The following TNIP3 variants were observed in gnomAD, a reference collection of about 807,000 sequenced individuals.
TNIP3 encodes TNFAIP3-interacting protein 3.
In TNIP3, 34 loss-of-function variants were observed where a neutral mutation model predicts 54.1. That is an observed-to-expected ratio of 0.63 (90% CI 0.48 to 0.84). The LOEUF (loss-of-function observed/expected upper bound fraction) is 0.84. Ranked by LOEUF, TNIP3 falls within the 40% of genes least tolerant of loss-of-function variation. TNIP3 has a pLI of 0.00. For synonymous variants in TNIP3, 134 were observed against 136.8 expected, an observed-to-expected ratio of 0.98 and a Z score of 0.14; for missense variants, 366 against 387.6, an observed-to-expected ratio of 0.94 and a Z score of 0.47.
intron 2 of TNIP3, among the ~76,000 whole-genome samples, chr4:121,184,382 T>A (rs1724890614): frequency 6.6e-6 from 1 of 152,368 alleles, no homozygotes; most frequent in South Asian, 2.1e-4. Flanking sequence ...CAGCCATGTT[T>A]CCATTGATAT....
upstream of TNIP3, among the ~76,000 whole-genome samples, chr4:121,169,112 T>C (rs1306695358): frequency 3.9e-5 from 6 of 152,118 alleles, no homozygotes; most frequent in African/African-American, 1.2e-4. Context: ...ATTCCACTGC[T>C]CAGAACCTTT....
chr4:121,167,809 A>C (rs184683645), upstream of TNIP3, among the ~76,000 whole-genome samples: 332 of 152,272 alleles, frequency 2.2e-3, 1 homozygote, highest in South Asian at 3.3e-3. Context: ...CAATCAGAAT[A>C]TTTAGCACTC....
chr4:121,152,998 A>G (rs1157167295), intron 5 of TNIP3, among the ~76,000 whole-genome samples: 1 of 152,224 alleles, frequency 6.6e-6, no homozygotes, highest in African/African-American at 2.4e-5. Flanking sequence ...ATAGTAATAA[A>G]TTCCAAGGAA....
Position 121,164,055 on chromosome 4 carries a change from C to T in TNIP3, c.66+5G>A. ...TCAACTCATCTCCTAGAAATATGTT[C>T]TTACCTCTTTATGCTCCGTAGAACT... On this transcript the variant is annotated splice_donor_5th_base_variant and intron_variant, in intron 1 of 10. Transcript: ENST00000057513. The T allele has an allele frequency of 6.2e-7, 1 of 1,613,484 alleles. No individual in the cohort carries two copies. The highest frequency in any genetic ancestry group is 8.5e-7 in the Non-Finnish European group (1 of 1,179,616).
intron 2 of TNIP3, among the ~76,000 whole-genome samples, chr4:121,206,707 G>A (rs756473416): frequency 2.6e-5 from 4 of 152,024 alleles, no homozygotes; most frequent in Non-Finnish European, 2.9e-5. Context: ...GACTACAGGT[G>A]CATGTCACCA....
rs1728467717 is a variant in TNIP3 at position 121,131,483 on chromosome 4, CAA to C, written c.*1146_*1147del. On this transcript the variant is annotated 3_prime_UTR_variant, in exon 11 of 11. Coordinates refer to ENST00000057513, the MANE Select transcript of TNIP3 (RefSeq NM_024873.6). ...GTTTTTCATTAAAATTAATCAAATC[CAA>C]GGGAAGGAAAAACACAGATTTAACT... The C allele has an allele frequency of 1.3e-5, 2 of 151,436 alleles. No homozygotes were observed. Among genetic ancestry groups the C allele is most frequent in the African/African-American group, 4.9e-5 (2 of 41,182 alleles). 9.4% of individuals were successfully genotyped at this position (151,436 alleles called of 1,614,324 possible).
chr4:121,187,230 C>T (rs1365878641), intron 2 of TNIP3, among the ~76,000 whole-genome samples: 1 of 152,110 alleles, frequency 6.6e-6, no homozygotes, highest in Non-Finnish European at 1.5e-5. Flanking sequence ...TTTTAAACAC[C>T]AATAGAACAG....
chr4:121,201,254 A>G (rs535236548), intron 2 of TNIP3, among the ~76,000 whole-genome samples: 45 of 152,278 alleles, frequency 3.0e-4, no homozygotes, highest in Admixed American at 1.8e-3. Flanking sequence ...AGTGCTTGGA[A>G]GGACCACAGG....
chr4:121,157,123 G>A lies in TNIP3; in HGVS notation c.334C>T (p.Leu112=), dbSNP rs747992211. ...TCCCGCTGCAGCCGGTCCCGGGTCAGGTCGCGCTGCCTGTCGTCCTCTCTC... is the reference window on the plus strand; with the variant it reads ...TCCCGCTGCAGCCGGTCCCGGGTCAAGTCGCGCTGCCTGTCGTCCTCTCTC... The part of the protein sequence containing the change: ...RQREDDRQRD[L]TRDRLQREEK... The change falls in exon 4 of 11, where the codon CTG becomes TTG. Residue 112 remains leucine (L), a synonymous_variant. Transcript: ENST00000057513. 5.6e-6 allele frequency: 9 copies of A among 1,607,436 alleles called. No homozygotes were observed. The South Asian group carries it at 8.8e-5, about 16-fold the overall frequency.
chr4:121,134,784 A>T (rs1728680415), intron 10 of TNIP3, among the ~76,000 whole-genome samples: 1 of 152,110 alleles, frequency 6.6e-6, no homozygotes, highest in Non-Finnish European at 1.5e-5. Context: ...TCCCCATCTT[A>T]TAGAGGACTC....
At position 121,189,957 on chromosome 4, in the gene TNIP3, C is replaced by T. The variant is rs140967369; in HGVS notation, c.69-7161G>A. On this transcript the variant is annotated intron_variant, in intron 2 of 12. Coordinates refer to the TNIP3 transcript ENST00000507879. ...CTCTTGTGGCTGTGCCCAGGAGGAC[C>T]GTGCAGGCAGAGGAGCCAGTTTGGA... Among the ~76,000 whole-genome samples the T allele has an allele frequency of 4.0e-3, 614 of 152,204 alleles. 4 individuals carry two copies. The highest frequency in any genetic ancestry group is 0.014 in the African/African-American group (590 of 41,530).
chr4:121,176,663 A>G (rs1031148899), intron 3 of TNIP3, among the ~76,000 whole-genome samples: 99 of 151,794 alleles, frequency 6.5e-4, no homozygotes, highest in Admixed American at 4.6e-4. Flanking sequence ...TTGATTAAAA[A>G]AAAAACAGCT....
chr4:121,158,868 A>G (rs2148813356), intron 2 of TNIP3, 116 bp from the exon 3 acceptor site: 2 of 777,968 alleles, frequency 2.6e-6, no homozygotes, highest in Admixed American at 2.6e-5. Context: ...GATGAAGACA[A>G]TATTTTTTTC....
chr4:121,198,811 G>A (rs182754840), intron 2 of TNIP3, among the ~76,000 whole-genome samples: 6 of 152,278 alleles, frequency 3.9e-5, no homozygotes, highest in East Asian at 3.9e-4. Context: ...CATGGAATAC[G>A]TTATGAGAAC....
intron 2 of TNIP3, among the ~76,000 whole-genome samples, chr4:121,159,879 A>G (rs1730342638): frequency 6.6e-6 from 1 of 152,216 alleles, no homozygotes. Context: ...AGACAGTCAT[A>G]ATGACTAAAA....
chr4:121,148,614 G>A (rs1412662813), intron 6 of TNIP3, among the ~76,000 whole-genome samples: 1 of 152,052 alleles, frequency 6.6e-6, no homozygotes, highest in Admixed American at 6.5e-5. Context: ...TCTCTTCGTC[G>A]GTTTATTTTT....
chr4:121,158,475 T>C (rs969293695), intron 3 of TNIP3, among the ~76,000 whole-genome samples: 1 of 152,228 alleles, frequency 6.6e-6, no homozygotes, highest in Non-Finnish European at 1.5e-5. Flanking sequence ...TTTGCACCTT[T>C]CTTTAGCTAT....
chr4:121,222,197 C>A (rs546741383), intron 1 of TNIP3, among the ~76,000 whole-genome samples: 1 of 152,174 alleles, frequency 6.6e-6, no homozygotes, highest in African/African-American at 2.4e-5. Context: ...GAATTTCTTC[C>A]CCTGCGAAGA....
At chr4:121,164,841 A>G (rs1005898308), upstream of TNIP3, among the ~76,000 whole-genome samples, 11 of 152,182 alleles carry the variant, frequency 7.2e-5, no homozygotes, top group Admixed American at 5.2e-4. Context: ...TGTCTTTTCT[A>G]TAAATCAAGT....
Sources: gnomAD v4.1 joint callset for allele counts (sites outside exome capture counted in the v4.1 genomes callset) on GRCh38, gnomAD v4.1.1 for gene constraint, MANE v1.5 for transcripts, NCBI Gene and HGNC (gene_info 2026-07-23, HGNC 2026-07-21) for gene names.